The following SLC6A16 variants were observed in gnomAD, a reference collection of about 807,000 sequenced individuals.
SLC6A16 encodes orphan sodium- and chloride-dependent neurotransmitter transporter NTT5.
A neutral mutation model predicts 65.4 loss-of-function variants in SLC6A16; 54 were observed. The ratio of observed to expected loss-of-function variants is 0.83; its 90% CI spans 0.66 to 1.04. The LOEUF (loss-of-function observed/expected upper bound fraction) is 1.04, where lower values mean the gene tolerates loss of function less well. Ranked by LOEUF, SLC6A16 falls within the 50% of genes least tolerant of loss-of-function variation. SLC6A16 has a pLI of 0.00. For synonymous variants in SLC6A16, 330 were observed against 346.5 expected, an observed-to-expected ratio of 0.95 and a Z score of 0.53; for missense variants, 816 against 914.0, an observed-to-expected ratio of 0.89 and a Z score of 1.38.
At chr19:49,321,051 A>G (rs1465193795) in intron 1 of SLC6A16, among the ~76,000 whole-genome samples, 3 of 152,110 alleles carry the variant, frequency 2.0e-5, no homozygotes, top group African/African-American at 7.2e-5. Context: ...ATACAAAGAC[A>G]TTATAAGAAA....
the SLC6A16 span, chr19:49,335,420 T>C: frequency 1.3e-6 from 1 of 777,468 alleles, no homozygotes; most frequent in Non-Finnish European, 2.2e-6. This position sits in a 1 kb window ranked among gnomAD's most constrained non-coding sequence, Gnocchi z 4.6. Flanking sequence ...TTTGGGGTTC[T>C]TCCTTTCTCT....
At chr19:49,293,134 C>G (rs1021973080) in intron 10 of SLC6A16, 89 bp downstream of exon 10, 1 of 1,205,774 alleles carries the variant, frequency 8.3e-7, no homozygotes, top group Non-Finnish European at 1.2e-6. Context: ...CTATGTCACA[C>G]TAGGTGGGTT....
the SLC6A16 span, chr19:49,335,841 G>A: frequency 6.9e-7 from 1 of 1,441,462 alleles, no homozygotes; most frequent in Non-Finnish European, 9.7e-7. This position sits in a 1 kb window ranked among gnomAD's most constrained non-coding sequence, Gnocchi z 4.6. Flanking sequence ...CAACTTCCTG[G>A]GGTCTCCCTT....
chr19:49,329,289 A>G (rs1002346428), upstream of SLC6A16, among the ~76,000 whole-genome samples: 2 of 151,864 alleles, frequency 1.3e-5, no homozygotes, highest in East Asian at 1.9e-4. Flanking sequence ...GGGTTTCACT[A>G]TGTTGGTCAG....
chr19:49,304,159 A>G (rs1483977700), intron 7 of SLC6A16, among the ~76,000 whole-genome samples: 1 of 152,244 alleles, frequency 6.6e-6, no homozygotes, highest in East Asian at 1.9e-4. Context: ...GATCTTGATT[A>G]AAAGAGGAAA....
At chr19:49,333,049 C>G in the SLC6A16 span, among the ~76,000 whole-genome samples, 2 of 151,856 alleles carry the variant, frequency 1.3e-5, no homozygotes, top group Non-Finnish European at 2.9e-5. Context: ...GTAATCCCAG[C>G]TACTCTGGAG....
At chr19:49,339,651 T>C in the SLC6A16 span, 58 of 1,426,766 alleles carry the variant, frequency 4.1e-5, 2 homozygotes, top group South Asian at 8.6e-4. The surrounding 1 kb of genome is among the most constrained non-coding windows in gnomAD (Gnocchi z 4.5). Flanking sequence ...CTCCCCTTTC[T>C]CCGCAGATGA....
the SLC6A16 span, chr19:49,337,783 C>G: frequency 6.5e-7 from 1 of 1,544,358 alleles, no homozygotes; most frequent in Non-Finnish European, 8.7e-7. Context: ...AAAGACAGAC[C>G]TGAAGTACAC....
Position 49,310,039 on chromosome 19 carries a change from C to T in SLC6A16, c.700+1G>A. 2 of 1,613,866 alleles carry T rather than the reference C, an allele frequency of 1.2e-6. No homozygotes were observed. The highest frequency in any genetic ancestry group is 1.7e-6 in the Non-Finnish European group (2 of 1,179,872). ...CTCCTCTTCTTTCACTTCCTCCTCA[C>T]CAAAGCCACTAGAGTTCATCGTTAA... On this transcript the variant is annotated splice_donor_variant, in intron 4 of 11. Transcript: ENST00000335875. LOFTEE classifies it high-confidence loss of function.
chr19:49,297,328 C>G (rs1221752530), intron 7 of SLC6A16, among the ~76,000 whole-genome samples: 1 of 152,034 alleles, frequency 6.6e-6, no homozygotes, highest in Non-Finnish European at 1.5e-5. Context: ...CCAAGGTAGC[C>G]AACATTAGTA....
At chr19:49,322,253 C>T (rs1244314343) in intron 1 of SLC6A16, among the ~76,000 whole-genome samples, 1 of 152,180 alleles carries the variant, frequency 6.6e-6, no homozygotes, top group Non-Finnish European at 1.5e-5. Flanking sequence ...AATCAAAACT[C>T]AGTTGCATTT....
chr19:49,306,447 T>C (rs1299242643), intron 7 of SLC6A16, among the ~76,000 whole-genome samples: 4 of 151,696 alleles, frequency 2.6e-5, no homozygotes, highest in Non-Finnish European at 4.4e-5. Context: ...TATTGCTTTA[T>C]ATAAGTGGAC....
In SLC6A16 at chr19:49,296,371, G is replaced by A. The variant is rs1335341208; in HGVS notation, c.1230-1818C>T. Among the ~76,000 whole-genome samples, 3 of 152,180 alleles carry A rather than the reference G, an allele frequency of 2.0e-5. No homozygotes were observed. In the East Asian group the frequency reaches 5.8e-4, roughly 29 times the overall value. Reference sequence around the variant, plus strand: ...TTGGAAAAAAAATAGCACAGTTGGAGAACTCATACAATCTGATTTTAAGGT... The same window carrying A: ...TTGGAAAAAAAATAGCACAGTTGGAAAACTCATACAATCTGATTTTAAGGT... On this transcript the variant is annotated intron_variant, in intron 7 of 11. Transcript: ENST00000335875.
the SLC6A16 span, chr19:49,339,052 A>C: frequency 8.1e-6 from 7 of 866,658 alleles, no homozygotes; most frequent in Non-Finnish European, 1.3e-5. The surrounding 1 kb of genome is among the most constrained non-coding windows in gnomAD (Gnocchi z 4.5). Context: ...AAGGAAAGGT[A>C]CGGCAGGAGG....
the SLC6A16 span, chr19:49,340,308 C>G: frequency 6.2e-7 from 1 of 1,613,556 alleles, no homozygotes; most frequent in Non-Finnish European, 8.5e-7. Flanking sequence ...CGTCTACAAC[C>G]GGCTCGCTCG....
intron 7 of SLC6A16, among the ~76,000 whole-genome samples, chr19:49,308,646 T>A (rs1220781604): frequency 6.6e-6 from 1 of 152,118 alleles, no homozygotes; most frequent in African/African-American, 2.4e-5. Flanking sequence ...TAGCTGGCAA[T>A]CTCTGAGTTT....
intron 7 of SLC6A16, among the ~76,000 whole-genome samples, chr19:49,300,771 G>A (rs1045655457): frequency 2.0e-5 from 3 of 152,142 alleles, no homozygotes; most frequent in African/African-American, 7.2e-5. Context: ...ATTACTCTGG[G>A]CCGGGCGCGG....
chr19:49,290,108 G>T lies in SLC6A16; in HGVS notation c.*15C>A, dbSNP rs1472248051. On this transcript the variant is annotated 3_prime_UTR_variant, in exon 12 of 12. Coordinates refer to ENST00000335875, the MANE Select transcript of SLC6A16 (RefSeq NM_014037.3). ...TGTTCTAAGGGATATGTTATGTGAA[G>T]CCAAATTAATGAAGTTAGGAAGTCA... 8 of 1,611,188 alleles carry T rather than the reference G, an allele frequency of 5.0e-6. No homozygotes were observed. Among genetic ancestry groups the T allele is most frequent in the Non-Finnish European group, 5.9e-6 (7 of 1,178,556 alleles).
At chr19:49,332,718 A>G in the SLC6A16 span, among the ~76,000 whole-genome samples, 7 of 152,228 alleles carry the variant, frequency 4.6e-5, no homozygotes, top group African/African-American at 7.2e-5. Context: ...ATCTTTTTGG[A>G]GAACGCCATG....
Sources: gnomAD v4.1 joint callset for allele counts (sites outside exome capture counted in the v4.1 genomes callset) on GRCh38, gnomAD v4.1.1 for gene constraint, Gnocchi (gnomAD v3.1) non-coding constraint, MANE v1.5 for transcripts, NCBI Gene and HGNC (gene_info 2026-07-23, HGNC 2026-07-21) for gene names.